Variants in TMC1 observed in about 807,000 individuals in gnomAD.
The protein encoded by TMC1 is transmembrane channel like 1, also known as transmembrane channel-like protein 1.
In TMC1, 84 loss-of-function variants were observed where a neutral mutation model predicts 105.8. The observed-to-expected ratio is 0.79, with a 90% confidence interval of 0.67 to 0.95. The LOEUF (loss-of-function observed/expected upper bound fraction) is 0.95, where lower values mean the gene tolerates loss of function less well. Among genes scored for constraint, TMC1 ranks in the 40% least tolerant of loss-of-function variants. The probability of loss-of-function intolerance (pLI) is 0.00; values close to 1 mark genes in which losing one functional copy is unlikely to be tolerated. For synonymous variants in TMC1, 315 were observed against 311.5 expected (o/e 1.01, Z -0.12); for missense variants, 817 against 914.1 (o/e 0.89, Z 1.37).
intron 8 of TMC1, among the ~76,000 whole-genome samples, chr9:72,706,755 T>C (rs1273379055): frequency 6.6e-6 from 1 of 151,890 alleles, no homozygotes; most frequent in Non-Finnish European, 1.5e-5. Flanking sequence ...CCAATATTTC[T>C]TTCTTTTTCT....
chr9:72,531,782 G>A (rs1406141749), intron 1 of TMC1, among the ~76,000 whole-genome samples: 1 of 151,924 alleles, frequency 6.6e-6, no homozygotes, highest in Non-Finnish European at 1.5e-5. Context: ...TACCCTCTTG[G>A]CCACCTATCT....
intron 12 of TMC1, among the ~76,000 whole-genome samples, chr9:72,757,527 T>C (rs926605571): frequency 6.6e-6 from 1 of 152,184 alleles, no homozygotes; most frequent in Admixed American, 6.5e-5. Flanking sequence ...TTGGCATATT[T>C]CCGTATACAT....
At chr9:72,527,812 C>T (rs1823431234) in intron 1 of TMC1, among the ~76,000 whole-genome samples, 1 of 152,220 alleles carries the variant, frequency 6.6e-6, no homozygotes, top group Non-Finnish European at 1.5e-5. Context: ...CTGCCTCTAT[C>T]GCCTAGGCTC....
chr9:72,700,664 A>G, intron 8 of TMC1, 21 bp downstream of exon 8: 1 of 1,547,026 alleles, frequency 6.5e-7, no homozygotes, highest in African/African-American at 1.4e-5. Context: ...ACTTTTTATA[A>G]GTAGAAACAC....
chr9:72,573,513 A>G (rs547450336), intron 1 of TMC1, among the ~76,000 whole-genome samples: 42 of 152,330 alleles, frequency 2.8e-4, no homozygotes, highest in Middle Eastern at 3.4e-3. Flanking sequence ...AAAAGGGGCA[A>G]TTGTTAAGTC....
At chr9:72,608,611 G>A (rs1824965404) in intron 2 of TMC1, among the ~76,000 whole-genome samples, 1 of 151,810 alleles carries the variant, frequency 6.6e-6, no homozygotes, top group African/African-American at 2.4e-5. Context: ...GGAGGCTGAG[G>A]CAGGAGAATC....
chr9:72,824,776 G>A (rs1828926672), intron 20 of TMC1, among the ~76,000 whole-genome samples: 2 of 152,208 alleles, frequency 1.3e-5, no homozygotes, highest in South Asian at 4.1e-4. Context: ...TAGGTGAAGG[G>A]TGGGGATGAA....
At position 72,802,254 on chromosome 9, in the gene TMC1, T is replaced by TATACATACATACATAC. The variant is rs33965711; in HGVS notation, c.1567-3110_1567-3095dup. Among the ~76,000 whole-genome samples the TATACATACATACATAC allele has an allele frequency of 1.6e-4, 24 of 149,278 alleles. No individual in the cohort carries two copies. In the South Asian group the frequency reaches 2.3e-3, roughly 15 times the overall value. On this transcript the variant is annotated intron_variant, in intron 17 of 23. Transcript: ENST00000297784. ...ACATACATACATACATACATACATA[T>TATACATACATACATAC]ATACATACATACATACATACATACA...
chr9:72,817,472 C>T (rs1179540508), intron 19 of TMC1, among the ~76,000 whole-genome samples: 1 of 152,082 alleles, frequency 6.6e-6, no homozygotes, highest in Non-Finnish European at 1.5e-5. Context: ...GGGTTCTGAG[C>T]TTTCATTTCC....
chr9:72,524,176 T>A (rs368261217), intron 1 of TMC1, among the ~76,000 whole-genome samples: 1 of 152,254 alleles, frequency 6.6e-6, no homozygotes, highest in Non-Finnish European at 1.5e-5. Context: ...GTCGTTTTTT[T>A]CTTCAGGTTT....
rs774295698 is a variant in TMC1 at position 72,810,947 on chromosome 9, C to G, written c.1696-5196C>G. Among the ~76,000 whole-genome samples the G allele has an allele frequency of 6.6e-5, 10 of 152,088 alleles. 1 individual carries two copies. Among genetic ancestry groups the G allele is most frequent in the Admixed American group, 2.0e-4 (3 of 15,266 alleles). ...TGAATTGCTCAGTCACAGTAGAGGG[C>G]TTTAAAAAAGTCTATTCACTTTTAT... On this transcript the variant is annotated intron_variant, in intron 18 of 23. Transcript: ENST00000297784.
At chr9:72,816,353 TA>T in intron 19 of TMC1, 143 bp downstream of exon 19, 1 of 751,306 alleles carries the variant, frequency 1.3e-6, no homozygotes, top group Non-Finnish European at 2.3e-6. Flanking sequence ...TGCCTGTATA[TA>T]GTTTCCTTTT....
intron 1 of TMC1, among the ~76,000 whole-genome samples, chr9:72,572,080 C>T (rs1402375433): frequency 4.6e-5 from 7 of 152,196 alleles, no homozygotes; most frequent in Admixed American, 3.9e-4. Context: ...AGGTGATCTG[C>T]CCGCCTGGGC....
chr9:72,532,934 C>A (rs1484482845), intron 1 of TMC1, among the ~76,000 whole-genome samples: 1 of 152,176 alleles, frequency 6.6e-6, no homozygotes, highest in Non-Finnish European at 1.5e-5. Flanking sequence ...GGGAGTCAGT[C>A]CACCAGGCTC....
At chr9:72,811,236 G>C (rs1175499870) in intron 18 of TMC1, among the ~76,000 whole-genome samples, 1 of 152,074 alleles carries the variant, frequency 6.6e-6, no homozygotes, top group Non-Finnish European at 1.5e-5. Context: ...TGGGTTAAAA[G>C]GGATTGTGAA....
At chr9:72,599,116 C>T (rs571302231) in intron 2 of TMC1, among the ~76,000 whole-genome samples, 7 of 152,224 alleles carry the variant, frequency 4.6e-5, no homozygotes, top group South Asian at 2.1e-4. Context: ...CTGCAACCTC[C>T]GCCTCCTGGG....
At chr9:72,717,237 T>C (rs1009276408) in intron 8 of TMC1, among the ~76,000 whole-genome samples, 3 of 152,248 alleles carry the variant, frequency 2.0e-5, no homozygotes, top group African/African-American at 7.2e-5. Flanking sequence ...TGAATTGTTA[T>C]GTATTCTGCA....
chr9:72,646,384 G>A (rs1487398959), intron 4 of TMC1, among the ~76,000 whole-genome samples: 4 of 152,202 alleles, frequency 2.6e-5, no homozygotes, highest in East Asian at 1.9e-4. Flanking sequence ...CCTATTAGCC[G>A]TATATGAGAG....
intron 8 of TMC1, among the ~76,000 whole-genome samples, chr9:72,707,812 T>A (rs1391097165): frequency 2.6e-5 from 4 of 152,202 alleles, no homozygotes; most frequent in African/African-American, 9.6e-5. Flanking sequence ...GCTTTGGGGT[T>A]CTTGGTCATG....
Sources: gnomAD v4.1 joint callset for allele counts (sites outside exome capture counted in the v4.1 genomes callset) on GRCh38, gnomAD v4.1.1 for gene constraint, MANE v1.5 for transcripts, NCBI Gene and HGNC (gene_info 2026-07-23, HGNC 2026-07-21) for gene names.